Variants in LYPLAL1 observed in about 807,000 individuals in gnomAD.
The protein encoded by LYPLAL1 is lysophospholipase-like protein 1.
A neutral mutation model predicts 19.7 loss-of-function variants in LYPLAL1; 23 were observed. That is an observed-to-expected ratio of 1.17 (90% CI 0.84 to 1.65). The LOEUF (loss-of-function observed/expected upper bound fraction) is 1.65, where lower values mean the gene tolerates loss of function less well. LYPLAL1 is among the 40% of genes most tolerant of loss of function. The pLI, the probability that LYPLAL1 is intolerant of heterozygous loss-of-function variation, is 0.00. For synonymous variants in LYPLAL1, 119 were observed against 96.3 expected, an observed-to-expected ratio of 1.24 and a Z score of -1.38; for missense variants, 355 against 279.4, an observed-to-expected ratio of 1.27 and a Z score of -1.93.
the LYPLAL1 span, among the ~76,000 whole-genome samples, chr1:219,302,156 G>A: frequency 2.0e-5 from 3 of 152,076 alleles, no homozygotes; most frequent in Non-Finnish European, 4.4e-5. Flanking sequence ...CTTAAATGTA[G>A]GTCCATCTAT....
At chr1:219,251,302 T>C in the LYPLAL1 span, among the ~76,000 whole-genome samples, 2 of 152,092 alleles carry the variant, frequency 1.3e-5, no homozygotes, top group South Asian at 4.1e-4. Flanking sequence ...TTAGTTCCCA[T>C]TTGTCAATTT....
the LYPLAL1 span, among the ~76,000 whole-genome samples, chr1:219,315,668 C>T: frequency 6.6e-6 from 1 of 152,146 alleles, no homozygotes; most frequent in Non-Finnish European, 1.5e-5. Flanking sequence ...ACCTCCAATA[C>T]AACTGGTTTC....
chr1:219,328,136 A>C, the LYPLAL1 span, among the ~76,000 whole-genome samples: 1 of 152,134 alleles, frequency 6.6e-6, no homozygotes, highest in Non-Finnish European at 1.5e-5. Context: ...CTTTTTCTGT[A>C]TATTTCCTTG....
the LYPLAL1 span, among the ~76,000 whole-genome samples, chr1:219,400,505 T>G: frequency 6.6e-6 from 1 of 152,002 alleles, no homozygotes; most frequent in Non-Finnish European, 1.5e-5. Context: ...CTATCTTTTT[T>G]TTTTTTTTGA....
chr1:219,220,420 A>T, the LYPLAL1 span, among the ~76,000 whole-genome samples: 1,160 of 150,876 alleles, frequency 7.7e-3, 8 homozygotes, highest in Non-Finnish European at 0.013. Context: ...ACCATCTACC[A>T]TTAGGGAAAA....
At chr1:219,251,486 T>G in the LYPLAL1 span, among the ~76,000 whole-genome samples, 1 of 152,158 alleles carries the variant, frequency 6.6e-6, no homozygotes, top group African/African-American at 2.4e-5. Context: ...GCTTCAATCT[T>G]CTGCATATGG....
the LYPLAL1 span, among the ~76,000 whole-genome samples, chr1:219,226,070 C>T: frequency 6.6e-6 from 1 of 152,238 alleles, no homozygotes; most frequent in Non-Finnish European, 1.5e-5. Context: ...CTCATGTTCT[C>T]TGTTCTCCAT....
chr1:219,208,735 G>T (rs1411218875), intron 3 of LYPLAL1, among the ~76,000 whole-genome samples: 3 of 151,904 alleles, frequency 2.0e-5, no homozygotes, highest in African/African-American at 7.2e-5. Context: ...AAATCGATAA[G>T]AATTTTATTT....
chr1:219,211,432 C>G, intron 4 of LYPLAL1, 60 bp from the exon 5 acceptor site: 4 of 1,147,944 alleles, frequency 3.5e-6, no homozygotes, highest in Admixed American at 2.4e-5. Context: ...TCTCTGATTT[C>G]TAAGAATGAT....
chr1:219,374,114 C>A, the LYPLAL1 span, among the ~76,000 whole-genome samples: 3 of 150,440 alleles, frequency 2.0e-5, no homozygotes, highest in Non-Finnish European at 4.4e-5. Context: ...CTGCAGATTA[C>A]AAATCACATG....
the LYPLAL1 span, among the ~76,000 whole-genome samples, chr1:219,421,708 A>G: frequency 6.6e-6 from 1 of 152,164 alleles, no homozygotes; most frequent in African/African-American, 2.4e-5. Context: ...ACAAAACAGA[A>G]GATGAGGAGG....
At chr1:219,358,094 T>C in the LYPLAL1 span, among the ~76,000 whole-genome samples, 4 of 152,180 alleles carry the variant, frequency 2.6e-5, no homozygotes, top group Non-Finnish European at 5.9e-5. Flanking sequence ...GACATGATGC[T>C]ATTGACAAAA....
In LYPLAL1 at chr1:219,190,339, TC is replaced by T. The variant is rs1657052951; in HGVS notation, c.192-2741del. ...CTGTTTGCTGAGAAGGGTGTCTTCC[TC>T]CTTTCCTCCCTTTCTCTCTCCTTCT... On this transcript the variant is annotated intron_variant, in intron 2 of 4. Transcript: ENST00000366928. Among the ~76,000 whole-genome samples, 3 of 151,506 alleles carry T rather than the reference TC, an allele frequency of 2.0e-5. No homozygotes were observed. The South Asian group carries it at 6.2e-4, about 31-fold the overall frequency.
chr1:219,241,128 CTCTCTCTATATATA>C, the LYPLAL1 span, among the ~76,000 whole-genome samples: 1 of 81,264 alleles, frequency 1.2e-5, no homozygotes, highest in South Asian at 4.0e-4. Context: ...CTCTCTCTCT[CTCTCTCTATATATA>C]TATATATATA....
At chr1:219,267,705 A>G in the LYPLAL1 span, among the ~76,000 whole-genome samples, 1 of 152,232 alleles carries the variant, frequency 6.6e-6, no homozygotes, top group Non-Finnish European at 1.5e-5. Flanking sequence ...CTGCTAGAGA[A>G]TAAGCTTCAA....
At chr1:219,288,739 T>C in the LYPLAL1 span, among the ~76,000 whole-genome samples, 1 of 152,238 alleles carries the variant, frequency 6.6e-6, no homozygotes, top group African/African-American at 2.4e-5. Context: ...TGGGGAAGGC[T>C]GACCATATGT....
chr1:219,361,107 G>A, the LYPLAL1 span, among the ~76,000 whole-genome samples: 1 of 152,174 alleles, frequency 6.6e-6, no homozygotes, highest in Non-Finnish European at 1.5e-5. Flanking sequence ...GTTTGCATGT[G>A]CACACAGGAG....
the LYPLAL1 span, among the ~76,000 whole-genome samples, chr1:219,334,778 T>C: frequency 6.6e-6 from 1 of 151,950 alleles, no homozygotes; most frequent in Non-Finnish European, 1.5e-5. Flanking sequence ...CATTTCTGTG[T>C]GAAGACTATT....
At position 219,210,680 on chromosome 1, in the gene LYPLAL1, A is replaced by T. The variant is rs527624436; in HGVS notation, c.477+33A>T. The T allele has an allele frequency of 5.7e-6, 9 of 1,573,932 alleles. No individual in the cohort carries two copies. The South Asian group carries it at 8.1e-5, about 14-fold the overall frequency. On this transcript the variant is annotated intron_variant, in intron 4 of 4. Coordinates refer to ENST00000366928, the MANE Select transcript of LYPLAL1 (RefSeq NM_138794.5). Reference sequence around the variant, plus strand: ...CCAGATTTAAAAAAAAATGAAAAAAATATGAAATATATACATGTTAAAACT... The same window carrying T: ...CCAGATTTAAAAAAAAATGAAAAAATTATGAAATATATACATGTTAAAACT...
Sources: gnomAD v4.1 joint callset for allele counts (sites outside exome capture counted in the v4.1 genomes callset) on GRCh38, gnomAD v4.1.1 for gene constraint, MANE v1.5 for transcripts, NCBI Gene and HGNC (gene_info 2026-07-23, HGNC 2026-07-21) for gene names.